The following CDKL1 variants were observed in gnomAD, a reference collection of about 807,000 sequenced individuals.
CDKL1 encodes the protein cyclin-dependent kinase-like 1.
A neutral mutation model predicts 42.0 loss-of-function variants in CDKL1; 41 were observed. The ratio of observed to expected loss-of-function variants is 0.98; its 90% CI spans 0.76 to 1.27. The LOEUF (loss-of-function observed/expected upper bound fraction) is 1.27. Ranked by LOEUF, CDKL1 falls within the 50% of genes most tolerant of loss-of-function variation. The probability of loss-of-function intolerance (pLI) is 0.00; values close to 1 mark genes in which losing one functional copy is unlikely to be tolerated. For synonymous variants in CDKL1, 153 were observed against 158.6 expected, an observed-to-expected ratio of 0.96 and a Z score of 0.26; for missense variants, 394 against 428.4, an observed-to-expected ratio of 0.92 and a Z score of 0.71.
rs145760865 is a variant in CDKL1 at position 50,347,407 on chromosome 14, G to A, written c.291-2349C>T. Among the ~76,000 whole-genome samples, 278 of 152,294 alleles carry A rather than the reference G, an allele frequency of 1.8e-3. 6 individuals carry two copies. The East Asian group carries it at 0.049, about 27-fold the overall frequency. On this transcript the variant is annotated intron_variant, in intron 3 of 9. Coordinates refer to ENST00000395834, the MANE Select transcript of CDKL1 (RefSeq NM_004196.7). ...AGAAGGGGTTGATCACCTTATATAG[G>A]ATGGCCCAGAAAGGTTCTCTGGTTA... is the stretch of plus-strand genomic sequence containing the variant.
chr14:50,350,425 C>T (rs1194752731), intron 3 of CDKL1, among the ~76,000 whole-genome samples: 3 of 152,228 alleles, frequency 2.0e-5, no homozygotes, highest in Non-Finnish European at 4.4e-5. Flanking sequence ...AAAGCAAGCT[C>T]TCCTTTCAGA....
intron 3 of CDKL1, among the ~76,000 whole-genome samples, chr14:50,348,763 A>G (rs1288657974): frequency 6.6e-6 from 1 of 152,224 alleles, no homozygotes; most frequent in Non-Finnish European, 1.5e-5. Flanking sequence ...CTCTAATAAG[A>G]AAGTAGAAGA....
rs2032727216 is a variant in CDKL1, at chr14:50,326,923, C to T, written c.*3151G>A. 5.5e-6 allele frequency: 1 copy of T among 182,910 alleles called. No homozygotes were observed. Among genetic ancestry groups the T allele is most frequent in the African/African-American group, 2.4e-5 (1 of 41,900 alleles). The allele number at this position is 182,910 out of a possible 1,614,324, so 11.3% of individuals were successfully genotyped here. A position where few individuals can be genotyped will look rare whatever the true frequency, so the allele number is the denominator to read the frequency against. Reference sequence around the variant, plus strand: ...AGGCATGGTGGTGCATACCTGTAATCTCAGATACTTGGGAGGTTGAGGTGG... The same window carrying T: ...AGGCATGGTGGTGCATACCTGTAATTTCAGATACTTGGGAGGTTGAGGTGG... On this transcript the variant is annotated 3_prime_UTR_variant, in exon 10 of 10. Transcript: ENST00000395834.
intron 3 of CDKL1, among the ~76,000 whole-genome samples, chr14:50,345,481 AGCCTT>A (rs1436911928): frequency 6.6e-6 from 1 of 152,222 alleles, no homozygotes; most frequent in Non-Finnish European, 1.5e-5. Flanking sequence ...CCAAACAGAC[AGCCTT>A]GAAGCAGGAC....
At chr14:50,355,168 CTT>C (rs1388310422) in intron 3 of CDKL1, among the ~76,000 whole-genome samples, 3 of 151,968 alleles carry the variant, frequency 2.0e-5, no homozygotes, top group Non-Finnish European at 4.4e-5. Flanking sequence ...TATCATAAAA[CTT>C]TATTATAATT....
At chr14:50,349,636 G>T (rs1226033756) in intron 3 of CDKL1, among the ~76,000 whole-genome samples, 1 of 152,158 alleles carries the variant, frequency 6.6e-6, no homozygotes. Flanking sequence ...AAATAAATAT[G>T]AATATATTCA....
At chr14:50,335,866 T>C (rs1411436676) in intron 7 of CDKL1, 10 of 1,269,862 alleles carry the variant, frequency 7.9e-6, no homozygotes, top group Non-Finnish European at 1.0e-5. Context: ...ATACTAATCA[T>C]TGATAAGAGT....
chr14:50,384,466 G>T (rs564798937), intron 2 of CDKL1, among the ~76,000 whole-genome samples: 1 of 152,302 alleles, frequency 6.6e-6, no homozygotes, highest in African/African-American at 2.4e-5. Context: ...TGGGACATTT[G>T]GCTGTGCCAC....
At chr14:50,362,231 T>A in intron 2 of CDKL1, 1 of 300,054 alleles carries the variant, frequency 3.3e-6, no homozygotes, top group Non-Finnish European at 6.3e-6. Flanking sequence ...AACCGCCCCC[T>A]GCTCCGCAGC....
intron 5 of CDKL1, among the ~76,000 whole-genome samples, chr14:50,341,455 C>CGGG (rs2033523846): frequency 6.6e-4 from 3 of 4,540 alleles, no homozygotes; most frequent in African/African-American, 2.4e-3. Flanking sequence ...TGGGGAGGGT[C>CGGG]TGGGGGGGGG....
intron 3 of CDKL1, 127 bp downstream of exon 3, chr14:50,358,901 A>G: frequency 1.1e-6 from 1 of 870,852 alleles, no homozygotes. Context: ...AGGCCTCCCA[A>G]AGTGCTGGGA....
chr14:50,344,997 G>A lies in CDKL1; in HGVS notation c.352C>T (p.His118Tyr). The change falls in exon 4 of 10, where the codon CAT (histidine) becomes TAT (tyrosine). Residue 118 changes from histidine (H) to tyrosine (Y), a missense_variant. Coordinates refer to ENST00000395834, the MANE Select transcript of CDKL1 (RefSeq NM_004196.7). The part of the protein sequence containing the change: ...WQTLQAVNFC[H>Y]KHNCIHRDVK... ...ATCATGAGACTTACATTGTGTTTATGGCAAAAATTTACAGCTTGCAGTGTC... is the reference window on the plus strand; with the variant it reads ...ATCATGAGACTTACATTGTGTTTATAGCAAAAATTTACAGCTTGCAGTGTC... The A allele has an allele frequency of 6.2e-7, 1 of 1,613,720 alleles. No individual in the cohort carries two copies. Among genetic ancestry groups the A allele is most frequent in the Non-Finnish European group, 8.5e-7 (1 of 1,179,738 alleles).
In CDKL1 at chr14:50,327,303, C is replaced by G. The variant is rs2139336622; in HGVS notation, c.*2771G>C. On this transcript the variant is annotated 3_prime_UTR_variant, in exon 10 of 10. Coordinates refer to ENST00000395834, the MANE Select transcript of CDKL1 (RefSeq NM_004196.7). ...TGAGCCATGTTGGCACCACTGCACTCCAGCCTGGGCAACAGATTAAGACCC... is the reference window on the plus strand; with the variant it reads ...TGAGCCATGTTGGCACCACTGCACTGCAGCCTGGGCAACAGATTAAGACCC... The G allele has an allele frequency of 6.7e-6, 1 of 149,268 alleles. No individual in the cohort carries two copies. The highest frequency in any genetic ancestry group is 2.1e-4 in the South Asian group (1 of 4,684). 9.2% of individuals were successfully genotyped at this position (149,268 alleles called of 1,614,324 possible). A position where few individuals can be genotyped will look rare whatever the true frequency, so the allele number is the denominator to read the frequency against.
At chr14:50,377,801 C>A in intron 2 of CDKL1, 1 of 984,340 alleles carries the variant, frequency 1.0e-6, no homozygotes, top group Non-Finnish European at 1.3e-6. Flanking sequence ...CTCTTGTTAA[C>A]ACCTATAAAT....
At chr14:50,387,222 A>AAAGG (rs1595374840) in intron 2 of CDKL1, among the ~76,000 whole-genome samples, 1 of 98,982 alleles carries the variant, frequency 1.0e-5, no homozygotes. Flanking sequence ...AAAAAAAAAA[A>AAAGG]TGGGGGTGGG....
At chr14:50,370,235 G>T (rs1430107198) in intron 2 of CDKL1, among the ~76,000 whole-genome samples, 2 of 151,882 alleles carry the variant, frequency 1.3e-5, no homozygotes, top group Admixed American at 1.3e-4. Context: ...TGCCTGGCTA[G>T]TTTTTGTATT....
intron 2 of CDKL1, among the ~76,000 whole-genome samples, chr14:50,385,724 A>C (rs567100834): frequency 1.3e-5 from 2 of 148,170 alleles, no homozygotes; most frequent in Admixed American, 7.0e-5. Flanking sequence ...GAATCGCTTG[A>C]GCCCAAGGGG....
chr14:50,335,588 A>C (rs1166819481), intron 7 of CDKL1: 1 of 1,535,016 alleles, frequency 6.5e-7, no homozygotes, highest in South Asian at 1.2e-5. Context: ...GCCGAATGTC[A>C]GGCAGACAAA....
intron 3 of CDKL1, among the ~76,000 whole-genome samples, chr14:50,351,993 A>G (rs879592173): frequency 2.6e-5 from 4 of 152,208 alleles, no homozygotes; most frequent in Non-Finnish European, 4.4e-5. Flanking sequence ...CATCTCTCAC[A>G]ATAGAAAGGC....
Sources: allele counts gnomAD v4.1 joint callset (sites outside exome capture counted in the v4.1 genomes callset), GRCh38; gene constraint gnomAD v4.1.1; transcripts MANE v1.5; gene names NCBI Gene and HGNC (gene_info 2026-07-23, HGNC 2026-07-21).